The following SPTBN4 variants were observed in gnomAD, a reference collection of about 807,000 sequenced individuals.
SPTBN4 encodes spectrin beta chain, non-erythrocytic 4.
A neutral mutation model predicts 277.8 loss-of-function variants in SPTBN4; 96 were observed. That is an observed-to-expected ratio of 0.35 (90% confidence interval 0.29 to 0.41). SPTBN4 has a LOEUF of 0.41. SPTBN4 is among the 10% of genes least tolerant of loss of function. The probability of loss-of-function intolerance (pLI) is 1.00; values close to 1 mark genes in which losing one functional copy is unlikely to be tolerated. For missense variants in SPTBN4, 3,006 were observed against 3,595.7 expected, an observed-to-expected ratio of 0.84 and a Z score of 4.19; for synonymous variants, 1,481 against 1,580.3, an observed-to-expected ratio of 0.94 and a Z score of 1.49.
rs2080453656 is a variant in SPTBN4 at position 40,515,994 on chromosome 19, C to CACATATATGT, written c.2903+547_2903+548insCATATATGTA. ...ATACACATATATACGTATATATACA[C>CACATATATGT]ATATATACGTATATATACACACATA... is the stretch of plus-strand genomic sequence containing the variant. On this transcript the variant is annotated intron_variant, in intron 15 of 35. Coordinates refer to ENST00000598249, the MANE Select transcript of SPTBN4 (RefSeq NM_020971.3). This position sits in a 1 kb window ranked among gnomAD's most constrained non-coding sequence, Gnocchi z 4.1. 7.5e-5 allele frequency among the ~76,000 whole-genome samples: 11 copies of CACATATATGT among 147,292 alleles called. No homozygotes were observed. In the South Asian group the frequency reaches 1.1e-3, roughly 14 times the overall value.
intron 20 of SPTBN4, among the ~76,000 whole-genome samples, chr19:40,541,099 A>G (rs1479522177): frequency 3.9e-5 from 6 of 152,094 alleles, no homozygotes; most frequent in Admixed American, 2.6e-4. Flanking sequence ...TTTTTTTCCA[A>G]TGCTACTGGC....
chr19:40,519,488 C>G lies in SPTBN4; in HGVS notation c.2991C>G (p.Ala997=). Residue 997 remains alanine, a synonymous_variant, in exon 16 of 36, where the codon GCC becomes GCG. Coordinates refer to ENST00000598249, the MANE Select transcript of SPTBN4 (RefSeq NM_020971.3). The surrounding 1 kb of genome is among the most constrained non-coding windows in gnomAD (Gnocchi z 5.7). The part of the protein sequence containing the change: ...LLVENHVLEV[A]EVRAQVREKR... ...TGGAGAACCACGTGCTGGAGGTGGC[C>G]GAGGTGCGCGCCCAGGTGCGTGAGA... is the stretch of plus-strand genomic sequence containing the variant. The G allele has an allele frequency of 6.2e-7, 1 of 1,608,580 alleles. No homozygotes were observed. The highest frequency in any genetic ancestry group is 8.5e-7 in the Non-Finnish European group (1 of 1,178,342).
intron 1 of SPTBN4, 66 bp from the exon 2 acceptor site, chr19:40,472,541 T>G (rs2079896723): frequency 7.0e-7 from 1 of 1,433,968 alleles, no homozygotes; most frequent in Admixed American, 2.4e-5. Flanking sequence ...GGGACAGGAC[T>G]CAAAGCCAGT....
intron 26 of SPTBN4, among the ~76,000 whole-genome samples, chr19:40,558,550 G>A (rs2145938890): frequency 6.6e-6 from 1 of 152,220 alleles, no homozygotes; most frequent in African/African-American, 2.4e-5. Flanking sequence ...TACAACTCAG[G>A]CAGCAGGAAA....
At chr19:40,563,535 C>A (rs1310051000) in intron 27 of SPTBN4, among the ~76,000 whole-genome samples, 6 of 151,822 alleles carry the variant, frequency 4.0e-5, no homozygotes, top group African/African-American at 1.5e-4. Flanking sequence ...TTTTATTTAA[C>A]CTGACATACC....
At chr19:40,569,619 C>G (rs1266550859) in intron 31 of SPTBN4, 38 bp from the exon 32 acceptor site, 22 of 1,607,546 alleles carry the variant, frequency 1.4e-5, no homozygotes, top group East Asian at 4.5e-5. Flanking sequence ...GAGAAGGAAC[C>G]CTGGTTTCAC....
At chr19:40,541,984 C>T (rs1307782323) in intron 20 of SPTBN4, among the ~76,000 whole-genome samples, 3 of 152,172 alleles carry the variant, frequency 2.0e-5, no homozygotes, top group Non-Finnish European at 4.4e-5. Context: ...TGCAATGGCA[C>T]AGTCTCAGCT....
chr19:40,571,552 T>G (rs1156479755), intron 33 of SPTBN4: 1 of 153,670 alleles, frequency 6.5e-6, no homozygotes, highest in African/African-American at 2.4e-5. Flanking sequence ...TTCTTCCTCG[T>G]ACCTAATGCC....
chr19:40,483,874 CT>C (rs1434121221), intron 2 of SPTBN4, among the ~76,000 whole-genome samples: 2 of 152,306 alleles, frequency 1.3e-5, no homozygotes, highest in East Asian at 3.9e-4. Context: ...GTCATCTCCC[CT>C]CTCGGGACCC....
intron 2 of SPTBN4, among the ~76,000 whole-genome samples, chr19:40,480,251 CA>C (rs34559298): frequency 0.031 from 2,928 of 93,682 alleles, 35 homozygotes; most frequent in East Asian, 0.064. Context: ...GACTCCGTCT[CA>C]AAAAAAAAAA....
chr19:40,506,472 G>A, intron 13 of SPTBN4, 86 bp downstream of exon 13: 1 of 1,491,478 alleles, frequency 6.7e-7, no homozygotes, highest in Non-Finnish European at 9.0e-7. Context: ...CTGAGAGAAG[G>A]AAAGAGTGAG....
chr19:40,568,833 AGT>A (rs2145956810), intron 31 of SPTBN4, among the ~76,000 whole-genome samples: 1 of 152,214 alleles, frequency 6.6e-6, no homozygotes, highest in East Asian at 1.9e-4. Context: ...CAGTCAGCTG[AGT>A]GTGTCTCCAG....
intron 20 of SPTBN4, among the ~76,000 whole-genome samples, chr19:40,547,940 T>C (rs2080876486): frequency 6.6e-6 from 1 of 152,256 alleles, no homozygotes; most frequent in Non-Finnish European, 1.5e-5. Context: ...TAGTGCCTTA[T>C]GGATTTACTT....
Position 40,567,901 on chromosome 19 carries a change from T to C in SPTBN4, c.6575T>C (p.Ile2192Thr), listed in dbSNP as rs1287896128. ...ELKPERLQPR[I>T]DRLPEIPGRV... ...AAGCCCGAGCGCCTCCAGCCGCGCATTGACCGGCTGCCGGAGATCCCGGGG... is the reference window on the plus strand; with the variant it reads ...AAGCCCGAGCGCCTCCAGCCGCGCACTGACCGGCTGCCGGAGATCCCGGGG... Residue 2192 changes from isoleucine (I) to threonine (T), a missense_variant, in exon 31 of 36, where the codon ATT becomes ACT. Ile to Thr is a moderately conservative substitution (Grantham distance 89, BLOSUM62 -1). Transcript: ENST00000598249. The C allele has an allele frequency of 8.5e-6, 13 of 1,523,270 alleles. No homozygotes were observed. Among genetic ancestry groups the C allele is most frequent in the African/African-American group, 2.9e-5 (2 of 69,184 alleles). The allele number at this position is 1,523,270 out of a possible 1,614,324, so 94.4% of individuals were successfully genotyped here. A position where few individuals can be genotyped will look rare whatever the true frequency, so the allele number is the denominator to read the frequency against.
chr19:40,512,016 G>A (rs951137225), intron 13 of SPTBN4, among the ~76,000 whole-genome samples: 1 of 151,990 alleles, frequency 6.6e-6, no homozygotes, highest in African/African-American at 2.4e-5. Context: ...CCTAGCTACT[G>A]GGGAGGCTGA....
intron 14 of SPTBN4, 61 bp downstream of exon 14, chr19:40,513,615 T>G: frequency 7.0e-7 from 1 of 1,427,080 alleles, no homozygotes; most frequent in Non-Finnish European, 9.3e-7. Flanking sequence ...CTCACCTTCA[T>G]TGGCTCAACA....
chr19:40,522,960 C>T (rs980620390), intron 16 of SPTBN4, among the ~76,000 whole-genome samples: 6 of 151,946 alleles, frequency 3.9e-5, no homozygotes, highest in Admixed American at 1.3e-4. Flanking sequence ...GGTGAAACCC[C>T]GTCTCTACCA....
intron 7 of SPTBN4, among the ~76,000 whole-genome samples, chr19:40,499,394 T>G (rs1484587201): frequency 1.3e-5 from 2 of 151,928 alleles, no homozygotes; most frequent in Non-Finnish European, 2.9e-5. Flanking sequence ...TGTTTAATTA[T>G]TATTATTATG....
intron 4 of SPTBN4, among the ~76,000 whole-genome samples, chr19:40,492,101 G>A (rs1339638400): frequency 6.6e-6 from 1 of 152,070 alleles, no homozygotes; most frequent in Non-Finnish European, 1.5e-5. Flanking sequence ...ATTGGGAGCT[G>A]AGAGCCCAGG....
Sources: gnomAD v4.1 joint callset for allele counts (sites outside exome capture counted in the v4.1 genomes callset) on GRCh38, gnomAD v4.1.1 for gene constraint, Gnocchi (gnomAD v3.1) non-coding constraint, MANE v1.5 for transcripts, NCBI Gene and HGNC (gene_info 2026-07-23, HGNC 2026-07-21) for gene names.